MACF1: variants seen among roughly 807,000 people sequenced by gnomAD.
MACF1 encodes microtubule actin crosslinking factor 1.
A neutral mutation model predicts 854.8 loss-of-function variants in MACF1; 193 were observed. The ratio of observed to expected loss-of-function variants is 0.23; its 90% CI spans 0.20 to 0.25. The LOEUF (loss-of-function observed/expected upper bound fraction) is 0.25. MACF1 is among the 10% of genes least tolerant of loss of function. The probability of loss-of-function intolerance (pLI) is 1.00; values close to 1 mark genes in which losing one functional copy is unlikely to be tolerated. For synonymous variants in MACF1, 3,185 were observed against 3,226.7 expected, an observed-to-expected ratio of 0.99 and a Z score of 0.44; for missense variants, 7,722 against 8,929.1, an observed-to-expected ratio of 0.86 and a Z score of 5.45.
intron 15 of MACF1, among the ~76,000 whole-genome samples, chr1:39,291,656 A>C (rs1645792607): frequency 6.6e-6 from 1 of 152,138 alleles, no homozygotes; most frequent in African/African-American, 2.4e-5. Context: ...TTGGTTGATT[A>C]CTCCAGGAAT....
intron 56 of MACF1, 96 bp downstream of exon 56, chr1:39,382,248 T>G (rs1650288352): frequency 8.5e-7 from 1 of 1,176,008 alleles, no homozygotes; most frequent in African/African-American, 1.5e-5. Context: ...GGACAAGTCA[T>G]TTAATCTCTC....
chr1:39,332,465 G>T lies in MACF1; in HGVS notation c.5877G>T (p.Gln1959His). Residue 1959 changes from glutamine (Q) to histidine (H), a missense_variant, in exon 37 of 101, where the codon CAG (glutamine) becomes CAT (histidine). By Grantham distance (24) the Gln-to-His change is conservative (BLOSUM62 0). Coordinates refer to ENST00000564288, the MANE Select transcript of MACF1 (RefSeq NM_001394062.1). ...SKSHPKATAS[Q>H]SENLLFQLMT... Reference sequence around the variant, plus strand: ...GCCACCCTAAGGCCACAGCAAGCCAGAGTGAGAATCTGTTGTTCCAGCTGA... The same window carrying T: ...GCCACCCTAAGGCCACAGCAAGCCATAGTGAGAATCTGTTGTTCCAGCTGA... 1 of 1,614,064 alleles carries T rather than the reference G, an allele frequency of 6.2e-7. No individual in the cohort carries two copies. Among genetic ancestry groups the T allele is most frequent in the South Asian group, 1.1e-5 (1 of 91,086 alleles).
intron 58 of MACF1, among the ~76,000 whole-genome samples, chr1:39,395,698 T>C (rs1642246347): frequency 6.6e-6 from 1 of 152,222 alleles, no homozygotes; most frequent in Non-Finnish European, 1.5e-5. Flanking sequence ...ATAACCCTTA[T>C]GTGACCACCC....
chr1:39,387,174 T>C lies in MACF1; in HGVS notation c.14345-13T>C. On this transcript the variant is annotated splice_polypyrimidine_tract_variant and intron_variant, in intron 57 of 100. Transcript: ENST00000564288. ...CAGGCTTTATTGATTTCAATTTTAT[T>C]TTCTCATTTCAGCCGATCGCATTAA... 2 of 1,605,926 alleles carry C rather than the reference T, an allele frequency of 1.2e-6. No homozygotes were observed. The highest frequency in any genetic ancestry group is 1.7e-6 in the Non-Finnish European group (2 of 1,176,050).
At chr1:39,413,153 C>G in intron 58 of MACF1, 1 of 1,613,026 alleles carries the variant, frequency 6.2e-7, no homozygotes, top group East Asian at 2.2e-5. Context: ...ATTACAGTAC[C>G]CATCACAGAG....
intron 2 of MACF1, among the ~76,000 whole-genome samples, chr1:39,133,260 C>T (rs1643057489): frequency 6.6e-6 from 1 of 152,180 alleles, no homozygotes; most frequent in Non-Finnish European, 1.5e-5. Flanking sequence ...AGCAGCGCCG[C>T]CTGTGGACCT....
At chr1:39,091,923 T>A (rs749810552) in intron 2 of MACF1, among the ~76,000 whole-genome samples, 4 of 152,194 alleles carry the variant, frequency 2.6e-5, no homozygotes, top group Non-Finnish European at 5.9e-5. Context: ...TTAACAAATA[T>A]CCCTAGGGCT....
At position 39,385,777 on chromosome 1, in the gene MACF1, C is replaced by G; in HGVS notation, c.14192C>G (p.Ser4731Cys). ...TTGGAAGAGACCAGTGAAATTCGAT[C>G]TGACTTGGAGCAGTTAGACCACGAG... is the stretch of plus-strand genomic sequence containing the variant. The part of the protein sequence containing the change: ...QQLEETSEIR[S>C]DLEQLDHEVK... The change falls in exon 57 of 101, where the codon TCT becomes TGT. Residue 4731 changes from serine to cysteine, a missense_variant. Around this residue, in one of 15 missense-constraint regions of MACF1, gnomAD observed 2,807 missense variants for 3,235.8 expected, o/e 0.87. Transcript: ENST00000564288. 6.2e-7 allele frequency: 1 copy of G among 1,614,150 alleles called. No homozygotes were observed. The highest frequency in any genetic ancestry group is 8.5e-7 in the Non-Finnish European group (1 of 1,180,034).
intron 99 of MACF1, among the ~76,000 whole-genome samples, chr1:39,482,108 G>T (rs376306752): frequency 3.3e-5 from 5 of 152,230 alleles, no homozygotes; most frequent in African/African-American, 1.2e-4. Flanking sequence ...CAGGGCTTTT[G>T]TTCTGTCTTA....
At chr1:39,285,532 T>A (rs553771717) in intron 13 of MACF1, 72 bp from the exon 14 acceptor site, 1 of 1,542,046 alleles carries the variant, frequency 6.5e-7, no homozygotes, top group African/African-American at 1.4e-5. Flanking sequence ...GCAGTAGACT[T>A]CTTGGCTCCC....
intron 2 of MACF1, among the ~76,000 whole-genome samples, chr1:39,116,149 G>C (rs899111192): frequency 1.3e-5 from 2 of 152,134 alleles, no homozygotes; most frequent in African/African-American, 4.8e-5. Context: ...AGAGAAGGAA[G>C]ATATAATACA....
chr1:39,187,689 C>G (rs1644190331), intron 2 of MACF1, among the ~76,000 whole-genome samples: 1 of 152,178 alleles, frequency 6.6e-6, no homozygotes, highest in African/African-American at 2.4e-5. Flanking sequence ...GGTTGCAAAT[C>G]ACTTTCTAGC....
Position 39,332,159 on chromosome 1 carries a change from A to G in MACF1, c.5571A>G (p.Gly1857=), listed in dbSNP as rs1646739185. 6.2e-7 allele frequency: 1 copy of G among 1,614,136 alleles called. No individual in the cohort carries two copies. The highest frequency in any genetic ancestry group is 8.5e-7 in the Non-Finnish European group (1 of 1,180,034). The change falls in exon 37 of 101, where the codon GGA becomes GGG. Residue 1857 remains glycine, a synonymous_variant. Coordinates refer to ENST00000564288, the MANE Select transcript of MACF1 (RefSeq NM_001394062.1). ...TGGGGTTGCTGTGGCCTGAATCTGG[A>G]GAGATCCTCCCAATTACAGATGCCC... is the stretch of plus-strand genomic sequence containing the variant. ...SFMGLLWPES[G]EILPITDALE... is the part of the protein sequence containing the mutation.
chr1:39,103,062 G>C, intron 2 of MACF1: 1 of 662,764 alleles, frequency 1.5e-6, no homozygotes, highest in African/African-American at 1.8e-5. Flanking sequence ...TGCAAATTTT[G>C]TCAAGAAAGC....
chr1:39,296,788 GAAA>G (rs1557571374), intron 20 of MACF1, among the ~76,000 whole-genome samples: 4 of 77,670 alleles, frequency 5.1e-5, no homozygotes, highest in East Asian at 4.0e-4. Flanking sequence ...AAGAAAGAAA[GAAA>G]GGAAGGAAGG....
At chr1:39,412,367 TG>T in intron 58 of MACF1, 1 of 1,614,056 alleles carries the variant, frequency 6.2e-7, no homozygotes, top group Non-Finnish European at 8.5e-7. Context: ...CTGACATCAA[TG>T]GGAAATGTGG....
intron 2 of MACF1, among the ~76,000 whole-genome samples, chr1:39,130,525 A>G (rs1469726045): frequency 6.6e-6 from 1 of 152,176 alleles, no homozygotes; most frequent in East Asian, 1.9e-4. Flanking sequence ...ACAGTAGGGA[A>G]AAGTTAGTAC....
At position 39,416,914 on chromosome 1, in the gene MACF1, GAAACA is replaced by G. The variant is rs539360400; in HGVS notation, c.15817-5452_15817-5448del. Among the ~76,000 whole-genome samples, 73 of 152,274 alleles carry G rather than the reference GAAACA, an allele frequency of 4.8e-4. 2 individuals carry two copies. The South Asian group carries it at 0.014, about 29-fold the overall frequency. ...GTAGAGAGGCCATTTTGAAAATATT[GAAACA>G]AAACAAATCATTATAGAGTTAACAT... On this transcript the variant is annotated intron_variant, in intron 58 of 100. Transcript: ENST00000564288.
Position 39,390,959 on chromosome 1 carries a change from A to T in MACF1, c.15816+2301A>T, listed in dbSNP as rs574412356. Among the ~76,000 whole-genome samples, 5 of 152,124 alleles carry T rather than the reference A, an allele frequency of 3.3e-5. No homozygotes were observed. In the South Asian group the frequency reaches 1.0e-3, roughly 32 times the overall value. On this transcript the variant is annotated intron_variant, in intron 58 of 100. Coordinates refer to ENST00000564288, the MANE Select transcript of MACF1 (RefSeq NM_001394062.1). ...TGTCTCTACTAAAAAAAAATACAAA[A>T]AATTAGCTGGGTATGGTGGCAGGCG...
Sources: allele counts gnomAD v4.1 joint callset (sites outside exome capture counted in the v4.1 genomes callset), GRCh38; gene constraint gnomAD v4.1.1; regional missense constraint gnomAD v4.1.1; transcripts MANE v1.5; gene names NCBI Gene and HGNC (gene_info 2026-07-23, HGNC 2026-07-21).